PPM1H: variants seen among roughly 807,000 people sequenced by gnomAD.
PPM1H encodes protein phosphatase 1H.
Under a neutral mutation model 54.9 loss-of-function variants are expected in PPM1H, and 27 were observed. That is an observed-to-expected ratio of 0.49 (90% CI 0.36 to 0.68). PPM1H has a LOEUF of 0.68. PPM1H is among the 30% of genes least tolerant of loss of function. PPM1H has a pLI of 0.00. For synonymous variants in PPM1H, 305 were observed against 270.8 expected (o/e 1.13, Z -1.24); for missense variants, 596 against 667.8 (o/e 0.89, Z 1.19).
chr12:62,711,414 C>T (rs578094585), intron 6 of PPM1H, among the ~76,000 whole-genome samples: 22 of 152,338 alleles, frequency 1.4e-4, no homozygotes, highest in African/African-American at 5.3e-4. Flanking sequence ...CTCTTAACTG[C>T]TACTCAACAT....
intron 2 of PPM1H, among the ~76,000 whole-genome samples, chr12:62,826,808 C>CAT (rs1039858803): frequency 2.0e-5 from 3 of 152,224 alleles, no homozygotes; most frequent in African/African-American, 7.2e-5. Context: ...TGCCATCCTT[C>CAT]ATGCCTGTCA....
rs797012135 is a variant in PPM1H at position 62,657,372 on chromosome 12, TGGCCACACAGCTAAGG to T, written c.1398-8752_1398-8737del. Among the ~76,000 whole-genome samples the T allele has an allele frequency of 3.0e-3, 451 of 152,286 alleles. 4 individuals carry two copies. Among genetic ancestry groups the T allele is most frequent in the African/African-American group, 9.1e-3 (380 of 41,556 alleles). On this transcript the variant is annotated intron_variant, in intron 9 of 9. Coordinates refer to ENST00000228705, the MANE Select transcript of PPM1H (RefSeq NM_020700.2). The stretch of plus-strand genomic sequence containing the variant: ...GGAAGCCCTGTAAAACATCCTGATG[TGGCCACACAGCTAAGG>T]GGCCACACAGCTCTGCCACATAAAC...
At chr12:62,716,140 A>G (rs2076233498) in intron 6 of PPM1H, among the ~76,000 whole-genome samples, 1 of 152,130 alleles carries the variant, frequency 6.6e-6, no homozygotes, top group Non-Finnish European at 1.5e-5. Flanking sequence ...AAACCACCTA[A>G]TACCTCTAGG....
intron 4 of PPM1H, among the ~76,000 whole-genome samples, chr12:62,768,751 G>T (rs1456468021): frequency 6.6e-6 from 1 of 152,082 alleles, no homozygotes; most frequent in African/African-American, 2.4e-5. Context: ...AAGGGGAAGG[G>T]AGCAAATACA....
chr12:62,649,578 G>A (rs547354104), intron 9 of PPM1H, among the ~76,000 whole-genome samples: 1 of 152,282 alleles, frequency 6.6e-6, no homozygotes, highest in South Asian at 2.1e-4. Flanking sequence ...TAGTTCCACT[G>A]GCAGGGTCAT....
intron 8 of PPM1H, among the ~76,000 whole-genome samples, chr12:62,683,673 T>C (rs1014768679): frequency 6.6e-6 from 1 of 152,200 alleles, no homozygotes; most frequent in African/African-American, 2.4e-5. Flanking sequence ...TGGTTCAGTC[T>C]AGCAGGGGCG....
chr12:62,721,800 T>C (rs1479325336), intron 5 of PPM1H, among the ~76,000 whole-genome samples: 1 of 152,204 alleles, frequency 6.6e-6, no homozygotes, highest in Non-Finnish European at 1.5e-5. Flanking sequence ...GCTGTTTTCA[T>C]AATGTAATGT....
intron 1 of PPM1H, among the ~76,000 whole-genome samples, chr12:62,874,743 C>G (rs1415184442): frequency 6.6e-6 from 1 of 152,192 alleles, no homozygotes; most frequent in Non-Finnish European, 1.5e-5. Flanking sequence ...TTTCAAATGT[C>G]TTTTTCTTTC....
At chr12:62,920,149 G>T (rs751317676) in intron 1 of PPM1H, among the ~76,000 whole-genome samples, 1 of 152,062 alleles carries the variant, frequency 6.6e-6, no homozygotes, top group South Asian at 2.1e-4. Flanking sequence ...GCATCTAATC[G>T]CACTCTTTGG....
chr12:62,696,780 T>A (rs2076117082), intron 6 of PPM1H, among the ~76,000 whole-genome samples: 1 of 152,134 alleles, frequency 6.6e-6, no homozygotes, highest in Non-Finnish European at 1.5e-5. Context: ...AGGAGAGAAC[T>A]GAGCCCAGAG....
At chr12:62,828,597 C>G (rs1178983905) in intron 2 of PPM1H, among the ~76,000 whole-genome samples, 1 of 152,224 alleles carries the variant, frequency 6.6e-6, no homozygotes, top group Admixed American at 6.5e-5. Context: ...TTGTCTCCCT[C>G]TACGAATGGA....
At position 62,645,577 on chromosome 12, in the gene PPM1H, C is replaced by G. The variant is rs2075780092; in HGVS notation, c.*2912G>C. On this transcript the variant is annotated 3_prime_UTR_variant, in exon 10 of 10. Coordinates refer to ENST00000228705, the MANE Select transcript of PPM1H (RefSeq NM_020700.2). ...ACAGGAATAAGGCTTTGGTTATCAT[C>G]TAGCAAAATGCCACAGAGCATGGAC... is the stretch of plus-strand genomic sequence containing the variant. 1 of 152,262 alleles carries G rather than the reference C, an allele frequency of 6.6e-6. No homozygotes were observed. The highest frequency in any genetic ancestry group is 2.4e-5 in the African/African-American group (1 of 41,428). The allele number at this position is 152,262 out of a possible 1,614,324, so 9.4% of individuals were successfully genotyped here. A position where few individuals can be genotyped will look rare whatever the true frequency, so the allele number is the denominator to read the frequency against.
chr12:62,821,485 GT>G (rs1465148880), intron 2 of PPM1H, among the ~76,000 whole-genome samples: 38 of 152,180 alleles, frequency 2.5e-4, no homozygotes, highest in African/African-American at 9.2e-4. Flanking sequence ...ATTCACCAAG[GT>G]TGAAATGAAG....
chr12:62,742,018 C>T (rs779496258), intron 4 of PPM1H, among the ~76,000 whole-genome samples: 1 of 152,044 alleles, frequency 6.6e-6, no homozygotes, highest in Non-Finnish European at 1.5e-5. Flanking sequence ...TGAGTTGCCA[C>T]CGAGAAGCTC....
chr12:62,858,855 C>T (rs1157643635), intron 1 of PPM1H, among the ~76,000 whole-genome samples: 1 of 152,152 alleles, frequency 6.6e-6, no homozygotes, highest in African/African-American at 2.4e-5. Flanking sequence ...TCACTCTCTG[C>T]CAGATGAGGA....
chr12:62,662,431 C>T (rs945416512), intron 9 of PPM1H, among the ~76,000 whole-genome samples: 9 of 152,150 alleles, frequency 5.9e-5, no homozygotes, highest in African/African-American at 2.2e-4. Context: ...TCAGACAATT[C>T]GAGGAGGAGA....
chr12:62,835,068 G>T (rs930672810), intron 1 of PPM1H, among the ~76,000 whole-genome samples: 1 of 152,134 alleles, frequency 6.6e-6, no homozygotes, highest in African/African-American at 2.4e-5. Flanking sequence ...CTAATCTTGG[G>T]CTGTAGAAAG....
At chr12:62,829,335 G>A (rs1868325844) in intron 2 of PPM1H, among the ~76,000 whole-genome samples, 1 of 152,210 alleles carries the variant, frequency 6.6e-6, no homozygotes, top group Non-Finnish European at 1.5e-5. Context: ...AAATAGAATG[G>A]TGGGCACCAA....
chr12:62,817,137 G>GAAAAAAAAAAAAACAAAAAAAAAAAAAA (rs2076872681), intron 2 of PPM1H, among the ~76,000 whole-genome samples: 32 of 67,314 alleles, frequency 4.8e-4, no homozygotes, highest in Non-Finnish European at 7.7e-4. Flanking sequence ...AAAAAAAAAA[G>GAAAAAAAAAAAAACAAAAAAAAAAAAAA]AAAAAAAAAA....
Sources: gnomAD v4.1 joint callset for allele counts (sites outside exome capture counted in the v4.1 genomes callset) on GRCh38, gnomAD v4.1.1 for gene constraint, MANE v1.5 for transcripts, NCBI Gene and HGNC (gene_info 2026-07-23, HGNC 2026-07-21) for gene names.